The following CDPF1 variants were observed in gnomAD, a reference collection of about 807,000 sequenced individuals.
CDPF1 encodes the protein cysteine-rich DPF motif domain-containing protein 1.
Under a neutral mutation model 8.3 loss-of-function variants are expected in CDPF1, and 8 were observed. The observed-to-expected ratio is 0.96, with a 90% confidence interval of 0.57 to 1.74. The LOEUF (loss-of-function observed/expected upper bound fraction) is 1.74, where lower values mean the gene tolerates loss of function less well. Among genes scored for constraint, CDPF1 ranks in the 40% most tolerant of loss-of-function variants. The pLI is 0.00. For missense variants in CDPF1, 151 were observed against 155.3 expected (o/e 0.97, Z 0.15); for synonymous variants, 62 against 62.9 (o/e 0.99, Z 0.07).
Position 46,248,420 on chromosome 22 carries a change from C to A in CDPF1, c.1-136G>T. The A allele has an allele frequency of 1.7e-6, 1 of 585,478 alleles. No individual in the cohort carries two copies. Among genetic ancestry groups the A allele is most frequent in the South Asian group, 2.2e-5 (1 of 46,420 alleles). 36.3% of individuals were successfully genotyped at this position (585,478 alleles called of 1,614,324 possible). A position where few individuals can be genotyped will look rare whatever the true frequency, so the allele number is the denominator to read the frequency against. ...TCCCTACCGTACCCTTTTCTCTATC[C>A]CCAGCTGAAACAGGTTTTCACCGGT... On this transcript the variant is annotated intron_variant, in intron 1 of 3. Coordinates refer to ENST00000314567, the MANE Select transcript of CDPF1 (RefSeq NM_207327.5). The surrounding 1 kb of genome is among the most constrained non-coding windows in gnomAD (Gnocchi z 4.1).
rs775238485 is a variant in CDPF1, at chr22:46,248,264, G to A, written c.21C>T (p.Cys7=). The change falls in exon 2 of 4, where the codon TGC becomes TGT. Residue 7 remains cysteine (C), a synonymous_variant. Coordinates refer to ENST00000314567, the MANE Select transcript of CDPF1 (RefSeq NM_207327.5). The surrounding 1 kb of genome is among the most constrained non-coding windows in gnomAD (Gnocchi z 4.1). The stretch of plus-strand genomic sequence containing the variant: ...CACACTCAAACACTCCCAGAGGACG[G>A]CACTCTACATGGGACGCCATCTGCA... MASHVE[C]RPLGVFECEL... 6.2e-7 allele frequency: 1 copy of A among 1,612,696 alleles called. No homozygotes were observed. The highest frequency in any genetic ancestry group is 1.1e-5 in the South Asian group (1 of 90,896).
rs1936463341 is a variant in CDPF1, at chr22:46,244,978, G to C, written c.*114C>G. Reference sequence around the variant, plus strand: ...CCCCTGGGCTGCAGTGCTGCTCCCAGTGGTCCAGAAACAAGGCCAGGCATG... The same window carrying C: ...CCCCTGGGCTGCAGTGCTGCTCCCACTGGTCCAGAAACAAGGCCAGGCATG... On this transcript the variant is annotated 3_prime_UTR_variant, in exon 4 of 4. Coordinates refer to ENST00000314567, the MANE Select transcript of CDPF1 (RefSeq NM_207327.5). This position sits in a 1 kb window ranked among gnomAD's most constrained non-coding sequence, Gnocchi z 6.7. 4 of 1,372,316 alleles carry C rather than the reference G, an allele frequency of 2.9e-6. No individual in the cohort carries two copies. Among genetic ancestry groups the C allele is most frequent in the Middle Eastern group, 3.7e-4 (2 of 5,350 alleles). 85.0% of individuals were successfully genotyped at this position (1,372,316 alleles called of 1,614,324 possible).
chr22:46,248,136 G>A lies in CDPF1; in HGVS notation c.113+36C>T, dbSNP rs1289030692. 2.0e-6 allele frequency: 3 copies of A among 1,491,054 alleles called. No homozygotes were observed. Among genetic ancestry groups the A allele is most frequent in the African/African-American group, 2.8e-5 (2 of 72,228 alleles). The allele number at this position is 1,491,054 out of a possible 1,614,324, so 92.4% of individuals were successfully genotyped here. A position where few individuals can be genotyped will look rare whatever the true frequency, so the allele number is the denominator to read the frequency against. The stretch of plus-strand genomic sequence containing the variant: ...ACCCACCAACCAGCACTGGGCACAG[G>A]CCTCCCCGGCACTGGCCCAAAAGGC... On this transcript the variant is annotated intron_variant, in intron 2 of 3. Coordinates refer to ENST00000314567, the MANE Select transcript of CDPF1 (RefSeq NM_207327.5). The surrounding 1 kb of genome is among the most constrained non-coding windows in gnomAD (Gnocchi z 4.1).
Position 46,245,095 on chromosome 22 carries a change from C to A in CDPF1, c.369G>T (p.Thr123=). 1.2e-6 allele frequency: 2 copies of A among 1,614,108 alleles called. No homozygotes were observed. The highest frequency in any genetic ancestry group is 8.5e-7 in the Non-Finnish European group (1 of 1,179,918). ...GATGACCTAGCCCCAGTTGCACTCA[C>A]GTCCGAGAACCGGGCTGGCTGGGGG... ...KRTPSQPGSR[T] Residue 123 remains threonine (T), a synonymous_variant, in exon 4 of 4, where the codon ACG becomes ACT. Coordinates refer to ENST00000314567, the MANE Select transcript of CDPF1 (RefSeq NM_207327.5). This position sits in a 1 kb window ranked among gnomAD's most constrained non-coding sequence, Gnocchi z 6.9.
rs1045867759 is a variant in CDPF1, at chr22:46,245,216, T to G, written c.248A>C (p.Lys83Thr). ...CCGGACACAAGGGAGGCAGAATCTC[T>G]TGGAGTAGAATAAACTGCATTCCTT... The part of the protein sequence containing the change: ...VGPECSLFYS[K>T]RFCLPCVREN... Residue 83 changes from lysine to threonine, a missense_variant, in exon 4 of 4, where the codon AAG (lysine) becomes ACG (threonine). Transcript: ENST00000314567. The surrounding 1 kb of genome is among the most constrained non-coding windows in gnomAD (Gnocchi z 6.9). 2.4e-5 allele frequency: 38 copies of G among 1,614,064 alleles called. No individual in the cohort carries two copies. The highest frequency in any genetic ancestry group is 3.1e-5 in the Non-Finnish European group (36 of 1,179,998).
In CDPF1 at chr22:46,246,903, C is replaced by T. The variant is rs1936498724; in HGVS notation, c.225+207G>A. ...GCCACTGGGGTGGGTGCAGAGCCAC[C>T]AATTACCTATTTCCATTCCTACACC... On this transcript the variant is annotated intron_variant, in intron 3 of 3. Coordinates refer to ENST00000314567, the MANE Select transcript of CDPF1 (RefSeq NM_207327.5). This position sits in a 1 kb window ranked among gnomAD's most constrained non-coding sequence, Gnocchi z 7.1. 5 of 1,465,582 alleles carry T rather than the reference C, an allele frequency of 3.4e-6. No homozygotes were observed. Among genetic ancestry groups the T allele is most frequent in the Non-Finnish European group, 4.6e-6 (5 of 1,090,740 alleles). The allele number at this position is 1,465,582 out of a possible 1,614,324, so 90.8% of individuals were successfully genotyped here. A position where few individuals can be genotyped will look rare whatever the true frequency, so the allele number is the denominator to read the frequency against.
rs1337401221 is a variant in CDPF1 at position 46,246,672 on chromosome 22, C to T, written c.225+438G>A. ...ATGGGTGGAATATAATACTGCTTTACCTGACTAAGGGGCAGGACTGAATGA... is the reference window on the plus strand; with the variant it reads ...ATGGGTGGAATATAATACTGCTTTATCTGACTAAGGGGCAGGACTGAATGA... On this transcript the variant is annotated intron_variant, in intron 3 of 3. Transcript: ENST00000314567. The surrounding 1 kb of genome is among the most constrained non-coding windows in gnomAD (Gnocchi z 7.1). 1.3e-6 allele frequency: 2 copies of T among 1,570,590 alleles called. No homozygotes were observed. The highest frequency in any genetic ancestry group is 1.7e-6 in the Non-Finnish European group (2 of 1,158,598).
In CDPF1 at chr22:46,244,752, C is replaced by A. The variant is rs1936459360; in HGVS notation, c.*340G>T. The stretch of plus-strand genomic sequence containing the variant: ...ATCTCCCCCCACACGCACCTGCACG[C>A]AGCCTCTTAGGAGCTGCCCTGCTGA... On this transcript the variant is annotated 3_prime_UTR_variant, in exon 4 of 4. Transcript: ENST00000314567. The surrounding 1 kb of genome is among the most constrained non-coding windows in gnomAD (Gnocchi z 6.7). 1 of 270,250 alleles carries A rather than the reference C, an allele frequency of 3.7e-6. No individual in the cohort carries two copies. 16.7% of individuals were successfully genotyped at this position (270,250 alleles called of 1,614,324 possible).
chr22:46,245,173 A>G lies in CDPF1; in HGVS notation c.291T>C (p.Phe97=). ...CCAAGTCTTGCCGAATTTCCTGAGGAAAAGCATTGATGTTCTCCCGGACAC... is the reference window on the plus strand; with the variant it reads ...CCAAGTCTTGCCGAATTTCCTGAGGGAAAGCATTGATGTTCTCCCGGACAC... The part of the protein sequence containing the change: ...LPCVRENINA[F]PQEIRQDLEK... The change falls in exon 4 of 4, where the codon TTT becomes TTC. Residue 97 remains phenylalanine, a synonymous_variant. Transcript: ENST00000314567. This position sits in a 1 kb window ranked among gnomAD's most constrained non-coding sequence, Gnocchi z 6.9. 1 of 1,614,236 alleles carries G rather than the reference A, an allele frequency of 6.2e-7. No homozygotes were observed. The highest frequency in any genetic ancestry group is 8.5e-7 in the Non-Finnish European group (1 of 1,180,028).
rs73177049 is a variant in CDPF1, at chr22:46,248,087, A to C, written c.113+85T>G. 0.073 allele frequency: 62,886 copies of C among 858,600 alleles called. 4,267 individuals are homozygous for C. Among genetic ancestry groups the C allele is most frequent in the African/African-American group, 0.3 (17,722 of 59,380 alleles). 53.2% of individuals were successfully genotyped at this position (858,600 alleles called of 1,614,324 possible). The stretch of plus-strand genomic sequence containing the variant: ...TGGGGTCTAAAGCTCCACACCTGAG[A>C]CAGTTGTCAGACCTAGGCACACCAC... On this transcript the variant is annotated intron_variant, in intron 2 of 3. Transcript: ENST00000314567. This position sits in a 1 kb window ranked among gnomAD's most constrained non-coding sequence, Gnocchi z 4.1.
chr22:46,245,578 C>T lies in CDPF1; in HGVS notation c.226-340G>A, dbSNP rs553734072. On this transcript the variant is annotated intron_variant, in intron 3 of 3. Coordinates refer to ENST00000314567, the MANE Select transcript of CDPF1 (RefSeq NM_207327.5). The surrounding 1 kb of genome is among the most constrained non-coding windows in gnomAD (Gnocchi z 6.9). ...CCCGAAAATCCCAGAGTCCTCCCGTCCCAGCTATCGCAGCACGAACAGTGG... is the reference window on the plus strand; with the variant it reads ...CCCGAAAATCCCAGAGTCCTCCCGTTCCAGCTATCGCAGCACGAACAGTGG... Among the ~76,000 whole-genome samples, 1 of 152,220 alleles carries T rather than the reference C, an allele frequency of 6.6e-6. No homozygotes were observed. The highest frequency in any genetic ancestry group is 1.5e-5 in the Non-Finnish European group (1 of 68,034).
At position 46,244,527 on chromosome 22, in the gene CDPF1, T is replaced by C. The variant is rs2147762523; in HGVS notation, c.*565A>G. The C allele has an allele frequency of 6.6e-6, 1 of 152,424 alleles. No homozygotes were observed. The highest frequency in any genetic ancestry group is 1.9e-4 in the East Asian group (1 of 5,184). 9.4% of individuals were successfully genotyped at this position (152,424 alleles called of 1,614,324 possible). The stretch of plus-strand genomic sequence containing the variant: ...TCCTTTTCCAAACATGAGCTGGTTC[T>C]TTGGGTTTTTAATTATAAACATAAT... On this transcript the variant is annotated 3_prime_UTR_variant, in exon 4 of 4. Coordinates refer to ENST00000314567, the MANE Select transcript of CDPF1 (RefSeq NM_207327.5). This position sits in a 1 kb window ranked among gnomAD's most constrained non-coding sequence, Gnocchi z 6.7.
chr22:46,247,765 C>T lies in CDPF1; in HGVS notation c.113+407G>A, dbSNP rs1160034434. Among the ~76,000 whole-genome samples, 1 of 152,214 alleles carries T rather than the reference C, an allele frequency of 6.6e-6. No individual in the cohort carries two copies. The highest frequency in any genetic ancestry group is 1.5e-5 in the Non-Finnish European group (1 of 68,040). ...AGTAACACACCGGCCAGCTTTCCAACAAAGTGGCATTTGATGAAGGACAAG... is the reference window on the plus strand; with the variant it reads ...AGTAACACACCGGCCAGCTTTCCAATAAAGTGGCATTTGATGAAGGACAAG... On this transcript the variant is annotated intron_variant, in intron 2 of 3. Coordinates refer to ENST00000314567, the MANE Select transcript of CDPF1 (RefSeq NM_207327.5). This position sits in a 1 kb window ranked among gnomAD's most constrained non-coding sequence, Gnocchi z 4.3.
Position 46,247,898 on chromosome 22 carries a change from G to T in CDPF1, c.113+274C>A, listed in dbSNP as rs192102870. Among the ~76,000 whole-genome samples, 580 of 152,336 alleles carry T rather than the reference G, an allele frequency of 3.8e-3. 1 individual carries two copies. Among genetic ancestry groups the T allele is most frequent in the Non-Finnish European group, 5.9e-3 (400 of 68,026 alleles). Reference sequence around the variant, plus strand: ...TCATGGCAAGGGTGCAGCCCCAAAGGGGGAGGCCACCACAGGTCCCCCAGC... The same window carrying T: ...TCATGGCAAGGGTGCAGCCCCAAAGTGGGAGGCCACCACAGGTCCCCCAGC... On this transcript the variant is annotated intron_variant, in intron 2 of 3. Transcript: ENST00000314567. The surrounding 1 kb of genome is among the most constrained non-coding windows in gnomAD (Gnocchi z 4.3).
chr22:46,247,311 C>T lies in CDPF1; in HGVS notation c.114-90G>A. On this transcript the variant is annotated intron_variant, in intron 2 of 3. Coordinates refer to ENST00000314567, the MANE Select transcript of CDPF1 (RefSeq NM_207327.5). The surrounding 1 kb of genome is among the most constrained non-coding windows in gnomAD (Gnocchi z 4.3). ...CCTATGGCCAGGCAGCAGCAGCCTGCACCTCTGCAGGGCCTGCATACCTGC... is the reference window on the plus strand; with the variant it reads ...CCTATGGCCAGGCAGCAGCAGCCTGTACCTCTGCAGGGCCTGCATACCTGC... 1 of 872,938 alleles carries T rather than the reference C, an allele frequency of 1.1e-6. No homozygotes were observed. Among genetic ancestry groups the T allele is most frequent in the South Asian group, 1.5e-5 (1 of 68,958 alleles). The allele number at this position is 872,938 out of a possible 1,614,324, so 54.1% of individuals were successfully genotyped here.
In CDPF1 at chr22:46,247,095, A is replaced by C; in HGVS notation, c.225+15T>G. ...CAGCAAGGACAGGTGGCCCCAGCCC[A>C]CGCTGCTTACCCACCGGGCCCACAC... On this transcript the variant is annotated intron_variant, in intron 3 of 3. Coordinates refer to ENST00000314567, the MANE Select transcript of CDPF1 (RefSeq NM_207327.5). This position sits in a 1 kb window ranked among gnomAD's most constrained non-coding sequence, Gnocchi z 4.3. 1 of 1,601,474 alleles carries C rather than the reference A, an allele frequency of 6.2e-7. No individual in the cohort carries two copies. Among genetic ancestry groups the C allele is most frequent in the South Asian group, 1.1e-5 (1 of 90,600 alleles).
In CDPF1 at chr22:46,249,321, C is replaced by T. The variant is rs955651822; in HGVS notation, c.-1+935G>A. ...TTTCCCCACTGGGTGTCCCCAGATG[C>T]AACTCCAGGAAGCATGGGTTACCAG... On this transcript the variant is annotated intron_variant, in intron 1 of 3. Transcript: ENST00000314567. This position sits in a 1 kb window ranked among gnomAD's most constrained non-coding sequence, Gnocchi z 4.6. Among the ~76,000 whole-genome samples, 2 of 152,204 alleles carry T rather than the reference C, an allele frequency of 1.3e-5. No homozygotes were observed. Among genetic ancestry groups the T allele is most frequent in the Middle Eastern group, 3.2e-3 (1 of 316 alleles).
rs768358846 is a variant in CDPF1, at chr22:46,247,204, T to A, written c.131A>T (p.Tyr44Phe). Residue 44 changes from tyrosine to phenylalanine, a missense_variant, in exon 3 of 4, where the codon TAT becomes TTT. By Grantham distance (22) the Tyr-to-Phe change is conservative. Transcript: ENST00000314567. The surrounding 1 kb of genome is among the most constrained non-coding windows in gnomAD (Gnocchi z 4.3). ...GGAGGTGAAGGGATCCTTCATGACA[T>A]AGCTTTCCTCCAGGAGGCTGCAGGA... ...TQSMVLLEES[Y>F]VMKDPFTSDK... The A allele has an allele frequency of 6.2e-7, 1 of 1,613,172 alleles. No homozygotes were observed. Among genetic ancestry groups the A allele is most frequent in the East Asian group, 2.2e-5 (1 of 44,872 alleles).
chr22:46,246,282 G>A lies in CDPF1; in HGVS notation c.225+828C>T, dbSNP rs1425557327. On this transcript the variant is annotated intron_variant, in intron 3 of 3. Coordinates refer to ENST00000314567, the MANE Select transcript of CDPF1 (RefSeq NM_207327.5). The surrounding 1 kb of genome is among the most constrained non-coding windows in gnomAD (Gnocchi z 7.1). ...CCGCTGCTCACGAAGAGCAGCCCAA[G>A]GCCAAGGTGTTGCATTCAAGACCTC... Among the ~76,000 whole-genome samples the A allele has an allele frequency of 2.3e-5, 3 of 129,972 alleles. No individual in the cohort carries two copies. The highest frequency in any genetic ancestry group is 4.8e-5 in the Non-Finnish European group (3 of 63,060). 85.3% of individuals were successfully genotyped at this position (129,972 alleles called of 152,430 possible).
Sources: allele counts gnomAD v4.1 joint callset (sites outside exome capture counted in the v4.1 genomes callset), GRCh38; gene constraint gnomAD v4.1.1; non-coding constraint Gnocchi (gnomAD v3.1); transcripts MANE v1.5; gene names NCBI Gene and HGNC (gene_info 2026-07-23, HGNC 2026-07-21).